KLF12: variants seen among roughly 807,000 people sequenced by gnomAD.
KLF12 encodes KLF transcription factor 12, also known as Krueppel-like factor 12.
KLF12 carries 9 observed loss-of-function variants against 37.8 expected under a neutral mutation model. That is an observed-to-expected ratio of 0.24 (90% CI 0.14 to 0.42). The LOEUF (loss-of-function observed/expected upper bound fraction) is 0.42, where lower values mean the gene tolerates loss of function less well. KLF12 is among the 10% of genes least tolerant of loss of function. The pLI is 1.00. For missense variants in KLF12, 411 were observed against 516.0 expected (o/e 0.80, Z 1.97); for synonymous variants, 208 against 202.1 (o/e 1.03, Z -0.25).
At chr13:74,043,497 T>A (rs1324063711) in intron 1 of KLF12, among the ~76,000 whole-genome samples, 1 of 152,228 alleles carries the variant, frequency 6.6e-6, no homozygotes, top group East Asian at 1.9e-4. Flanking sequence ...GTGTGTACAC[T>A]CTGCTTTTGT....
At chr13:73,995,121 G>A (rs1045503935) in intron 1 of KLF12, 68 bp from the exon 2 acceptor site, 49 of 998,846 alleles carry the variant, frequency 4.9e-5, no homozygotes, top group Non-Finnish European at 6.8e-5. Context: ...GCTCCTTTGG[G>A]GAAAAAAATA....
chr13:74,147,899 G>T, the KLF12 span, among the ~76,000 whole-genome samples: 1 of 151,610 alleles, frequency 6.6e-6, no homozygotes. Context: ...TCCAATAATT[G>T]TTTTCTCACT....
chr13:74,138,199 G>A (rs6562804), upstream of KLF12, among the ~76,000 whole-genome samples: 35,810 of 152,174 alleles, frequency 0.24, 5,964 homozygotes, highest in African/African-American at 0.47. Context: ...GCACTAATAC[G>A]ATTTCAAGGA....
chr13:73,871,743 C>T (rs990307334), intron 3 of KLF12, among the ~76,000 whole-genome samples: 5 of 152,170 alleles, frequency 3.3e-5, no homozygotes, highest in East Asian at 1.9e-4. Flanking sequence ...TCTTCCATGA[C>T]GCATCCTGAT....
chr13:74,140,708 A>G, the KLF12 span, among the ~76,000 whole-genome samples: 1 of 152,228 alleles, frequency 6.6e-6, no homozygotes, highest in Non-Finnish European at 1.5e-5. Flanking sequence ...CTCCTGTTGC[A>G]TAGCCTCGCT....
the KLF12 span, among the ~76,000 whole-genome samples, chr13:74,249,763 G>C: frequency 2.0e-5 from 3 of 152,146 alleles, no homozygotes; most frequent in Admixed American, 2.0e-4. Flanking sequence ...GAAATGCTCT[G>C]TGGGGTCCTT....
At chr13:74,072,024 T>C (rs1372118962) in intron 1 of KLF12, among the ~76,000 whole-genome samples, 1 of 152,030 alleles carries the variant, frequency 6.6e-6, no homozygotes, top group Non-Finnish European at 1.5e-5. Flanking sequence ...CATCATACTA[T>C]ATAGAATACT....
intron 2 of KLF12, among the ~76,000 whole-genome samples, chr13:73,982,194 G>A (rs1891704715): frequency 6.6e-6 from 1 of 152,182 alleles, no homozygotes; most frequent in Non-Finnish European, 1.5e-5. Flanking sequence ...AAGGTGATAT[G>A]CTCATCACAC....
At chr13:74,222,228 G>A in the KLF12 span, among the ~76,000 whole-genome samples, 8 of 152,202 alleles carry the variant, frequency 5.3e-5, no homozygotes, top group Non-Finnish European at 1.5e-5. Context: ...TCTTTCAGAG[G>A]AATCTATACT....
At chr13:74,204,926 T>C in the KLF12 span, among the ~76,000 whole-genome samples, 1 of 152,158 alleles carries the variant, frequency 6.6e-6, no homozygotes, top group East Asian at 1.9e-4. Flanking sequence ...CTTTTGAGTG[T>C]TGGGCTTTTT....
the KLF12 span, among the ~76,000 whole-genome samples, chr13:74,187,449 T>TA: frequency 2.0e-5 from 3 of 152,156 alleles, no homozygotes; most frequent in East Asian, 5.8e-4. Flanking sequence ...CCAGAGTAGC[T>TA]ATCCCAGAAG....
chr13:73,928,653 G>A (rs1439101106), intron 3 of KLF12, among the ~76,000 whole-genome samples: 1 of 152,162 alleles, frequency 6.6e-6, no homozygotes, highest in Non-Finnish European at 1.5e-5. Flanking sequence ...AAAATAATGA[G>A]AATAATTCTT....
intron 3 of KLF12, among the ~76,000 whole-genome samples, chr13:73,855,579 T>C (rs557791394): frequency 7.2e-5 from 11 of 152,336 alleles, no homozygotes; most frequent in South Asian, 4.1e-4. Flanking sequence ...GTCTTTTTGA[T>C]AGAATGACTT....
At chr13:73,757,954 A>G (rs7336427) in intron 6 of KLF12, among the ~76,000 whole-genome samples, 69,858 of 152,048 alleles carry the variant, frequency 0.46, 17,049 homozygotes, top group African/African-American at 0.62. Flanking sequence ...ACAGATACAT[A>G]TATTTTTTCA....
At chr13:73,908,642 G>A (rs867228508) in intron 3 of KLF12, among the ~76,000 whole-genome samples, 2 of 151,604 alleles carry the variant, frequency 1.3e-5, no homozygotes, top group Non-Finnish European at 2.9e-5. Context: ...CATCATGCCC[G>A]GTTAATATTT....
chr13:74,234,609 G>A, the KLF12 span, among the ~76,000 whole-genome samples: 1 of 152,062 alleles, frequency 6.6e-6, no homozygotes, highest in African/African-American at 2.4e-5. Context: ...AAATAAGAAA[G>A]GTATTGGAGC....
At chr13:74,131,494 A>G (rs1171290506) in intron 1 of KLF12, among the ~76,000 whole-genome samples, 1 of 152,260 alleles carries the variant, frequency 6.6e-6, no homozygotes. Context: ...CTCAAATGCT[A>G]TACCAGGACC....
At position 73,955,611 on chromosome 13, in the gene KLF12, T is replaced by C. The variant is rs1890807524; in HGVS notation, c.34-11541A>G. Reference sequence around the variant, plus strand: ...AGTGCTTCCTAGCAAGCAAATTCTATATTTGACATAGTGCTAAATAAAAAG... The same window carrying C: ...AGTGCTTCCTAGCAAGCAAATTCTACATTTGACATAGTGCTAAATAAAAAG... On this transcript the variant is annotated intron_variant, in intron 2 of 7. Transcript: ENST00000377669. 5.3e-5 allele frequency among the ~76,000 whole-genome samples: 8 copies of C among 152,352 alleles called. No individual in the cohort carries two copies. In the South Asian group the frequency reaches 1.7e-3, roughly 32 times the overall value.
At chr13:73,985,326 G>A (rs1254957695) in intron 2 of KLF12, among the ~76,000 whole-genome samples, 2 of 152,142 alleles carry the variant, frequency 1.3e-5, no homozygotes, top group African/African-American at 2.4e-5. Flanking sequence ...TGATGAAATC[G>A]TGGTTGTCAC....
Sources: allele counts gnomAD v4.1 joint callset (sites outside exome capture counted in the v4.1 genomes callset), GRCh38; gene constraint gnomAD v4.1.1; transcripts MANE v1.5; gene names NCBI Gene and HGNC (gene_info 2026-07-23, HGNC 2026-07-21).